Variants in SLC4A10 observed in about 807,000 individuals in gnomAD.
The protein encoded by SLC4A10 is solute carrier family 4 member 10.
SLC4A10 carries 42 observed loss-of-function variants against 137.7 expected under a neutral mutation model. That is an observed-to-expected ratio of 0.30 (90% CI 0.24 to 0.39). SLC4A10 has a LOEUF of 0.39. Among genes scored for constraint, SLC4A10 ranks in the 10% least tolerant of loss-of-function variants. The probability of loss-of-function intolerance (pLI) is 1.00; values close to 1 mark genes in which losing one functional copy is unlikely to be tolerated. For synonymous variants in SLC4A10, 474 were observed against 464.1 expected, an observed-to-expected ratio of 1.02 and a Z score of -0.27; for missense variants, 925 against 1,355.0, an observed-to-expected ratio of 0.68 and a Z score of 4.98.
intron 1 of SLC4A10, among the ~76,000 whole-genome samples, chr2:161,747,508 G>A (rs1403654652): frequency 6.6e-6 from 1 of 152,102 alleles, no homozygotes; most frequent in Non-Finnish European, 1.5e-5. Flanking sequence ...GTTAAAATCA[G>A]GTACTGTGAT....
chr2:161,740,550 T>G (rs2047779834), intron 1 of SLC4A10, among the ~76,000 whole-genome samples: 2 of 152,186 alleles, frequency 1.3e-5, no homozygotes, highest in South Asian at 4.1e-4. Context: ...TAAATGCCCC[T>G]CAAATGGAAA....
chr2:161,906,614 A>C (rs1472923478), intron 15 of SLC4A10, among the ~76,000 whole-genome samples: 1 of 152,216 alleles, frequency 6.6e-6, no homozygotes, highest in Non-Finnish European at 1.5e-5. Flanking sequence ...TTATACTGCA[A>C]ATATCTGAAG....
chr2:161,719,797 C>T (rs2045415195), intron 1 of SLC4A10, among the ~76,000 whole-genome samples: 1 of 151,998 alleles, frequency 6.6e-6, no homozygotes, highest in Non-Finnish European at 1.5e-5. Flanking sequence ...GATATTAGCC[C>T]TTTGTCAGAT....
In SLC4A10 at chr2:161,983,231, G is replaced by A. The variant is rs1171452800; in HGVS notation, c.*79G>A. On this transcript the variant is annotated 3_prime_UTR_variant, in exon 27 of 27. Transcript: ENST00000446997. ...TGACTCAGGGAAAGGTGTTGACAGGGAGACTTGTCTATGACTCGATCTTCA... is the reference window on the plus strand; with the variant it reads ...TGACTCAGGGAAAGGTGTTGACAGGAAGACTTGTCTATGACTCGATCTTCA... The A allele has an allele frequency of 6.5e-7, 1 of 1,536,666 alleles. No individual in the cohort carries two copies. The highest frequency in any genetic ancestry group is 8.7e-7 in the Non-Finnish European group (1 of 1,146,968).
At chr2:161,810,946 GTTC>G in intron 3 of SLC4A10, among the ~76,000 whole-genome samples, 1 of 152,154 alleles carries the variant, frequency 6.6e-6, no homozygotes, top group East Asian at 1.9e-4. Flanking sequence ...ATTGGTACCA[GTTC>G]TTCTTTGTAA....
chr2:161,814,070 TAAAC>T (rs1284045905), intron 3 of SLC4A10, among the ~76,000 whole-genome samples: 5 of 152,046 alleles, frequency 3.3e-5, no homozygotes, highest in Admixed American at 6.6e-5. Flanking sequence ...ATAAGGAACT[TAAAC>T]AACTCAACAA....
At position 161,673,668 on chromosome 2, in the gene SLC4A10, A is replaced by G. The variant is rs1016624829; in HGVS notation, c.48+49102A>G. 3.9e-5 allele frequency among the ~76,000 whole-genome samples: 6 copies of G among 152,310 alleles called. 1 individual carries two copies. The East Asian group carries it at 7.7e-4, about 20-fold the overall frequency. On this transcript the variant is annotated intron_variant, in intron 1 of 26. Coordinates refer to ENST00000446997, the MANE Select transcript of SLC4A10 (RefSeq NM_001178015.2). ...TTGGGTATAAAGTATTTAAGTATTA[A>G]TACATTTAAAAAAATGAGGATTAGA...
chr2:161,925,540 T>A (rs1251490994), intron 15 of SLC4A10, among the ~76,000 whole-genome samples: 1 of 152,182 alleles, frequency 6.6e-6, no homozygotes, highest in African/African-American at 2.4e-5. Flanking sequence ...GTTTTTTATG[T>A]CTCTATTTCC....
At chr2:161,933,186 T>C (rs1339013265) in intron 15 of SLC4A10, among the ~76,000 whole-genome samples, 2 of 29,164 alleles carry the variant, frequency 6.9e-5, no homozygotes, top group Non-Finnish European at 1.4e-4. Flanking sequence ...TTCCTTCTTT[T>C]CTTTCTTTCT....
intron 15 of SLC4A10, among the ~76,000 whole-genome samples, chr2:161,942,273 T>G (rs2105757024): frequency 6.6e-6 from 1 of 152,252 alleles, no homozygotes; most frequent in African/African-American, 2.4e-5. Context: ...ACAAATGAAT[T>G]TTTGGAAAAC....
chr2:161,935,114 T>C (rs2105689015), intron 15 of SLC4A10, among the ~76,000 whole-genome samples: 1 of 152,344 alleles, frequency 6.6e-6, no homozygotes, highest in East Asian at 1.9e-4. Context: ...GGATATTCAG[T>C]TGTCCCAACA....
intron 1 of SLC4A10, chr2:161,651,192 G>A (rs778449857): frequency 1.4e-4 from 21 of 152,340 alleles, no homozygotes; most frequent in African/African-American, 4.3e-4. Flanking sequence ...GGGACTCCTC[G>A]CCTGTTCAGG....
intron 16 of SLC4A10, among the ~76,000 whole-genome samples, chr2:161,945,226 ATATATATAT>A (rs1693566524): frequency 9.1e-6 from 1 of 109,716 alleles, no homozygotes; most frequent in African/African-American, 3.2e-5. Flanking sequence ...ATATATATAT[ATATATATAT>A]TTGTCAGTAT....
intron 19 of SLC4A10, among the ~76,000 whole-genome samples, chr2:161,955,334 A>G (rs1053386235): frequency 3.3e-5 from 5 of 152,178 alleles, no homozygotes; most frequent in Non-Finnish European, 7.4e-5. Context: ...ACTGTTTCCT[A>G]TGCTTTTTTG....
intron 4 of SLC4A10, among the ~76,000 whole-genome samples, chr2:161,846,295 A>G (rs987857199): frequency 6.6e-5 from 10 of 152,180 alleles, no homozygotes; most frequent in African/African-American, 1.7e-4. Flanking sequence ...CTAATAGAAT[A>G]GTAAAAATGA....
chr2:161,846,879 G>A (rs1277199130), intron 4 of SLC4A10, among the ~76,000 whole-genome samples: 2 of 152,038 alleles, frequency 1.3e-5, no homozygotes, highest in Admixed American at 1.3e-4. Flanking sequence ...TGTGGTGATG[G>A]AACAGCTTCG....
At chr2:161,951,380 T>C (rs1426852992) in intron 19 of SLC4A10, among the ~76,000 whole-genome samples, 1 of 152,190 alleles carries the variant, frequency 6.6e-6, no homozygotes, top group East Asian at 1.9e-4. Flanking sequence ...ACTGTCTCTT[T>C]TATAAAAAGA....
intron 3 of SLC4A10, among the ~76,000 whole-genome samples, chr2:161,828,767 C>CATCTATAT (rs2058200895): frequency 2.4e-5 from 1 of 42,076 alleles, no homozygotes; most frequent in African/African-American, 7.2e-5. Context: ...AATTCTAATT[C>CATCTATAT]ATATATATAT....
intron 15 of SLC4A10, among the ~76,000 whole-genome samples, chr2:161,909,367 C>T (rs528591631): frequency 1.3e-5 from 2 of 152,208 alleles, no homozygotes; most frequent in South Asian, 4.2e-4. Flanking sequence ...CATCTAAAAC[C>T]TAATTCTTTC....
Sources: gnomAD v4.1 joint callset for allele counts (sites outside exome capture counted in the v4.1 genomes callset) on GRCh38, gnomAD v4.1.1 for gene constraint, MANE v1.5 for transcripts, NCBI Gene and HGNC (gene_info 2026-07-23, HGNC 2026-07-21) for gene names.